The following ADAM23 variants were observed in gnomAD, a reference collection of about 807,000 sequenced individuals.
ADAM23 encodes the protein ADAM metallopeptidase domain 23.
Under a neutral mutation model 120.1 loss-of-function variants are expected in ADAM23, and 33 were observed. That is an observed-to-expected ratio of 0.27 (90% confidence interval 0.21 to 0.37). The LOEUF (loss-of-function observed/expected upper bound fraction) is 0.37. ADAM23 is among the 10% of genes least tolerant of loss of function. ADAM23 has a pLI of 1.00. For synonymous variants in ADAM23, 367 were observed against 375.2 expected, an observed-to-expected ratio of 0.98 and a Z score of 0.25; for missense variants, 862 against 1,058.2, an observed-to-expected ratio of 0.81 and a Z score of 2.57.
chr2:206,547,307 C>A, intron 6 of ADAM23, 122 bp from the exon 7 acceptor site: 1 of 682,770 alleles, frequency 1.5e-6, no homozygotes, highest in South Asian at 2.8e-5. Flanking sequence ...CTTTTGATAG[C>A]TAAAAAACTG....
chr2:206,535,959 C>G (rs1418781711), intron 4 of ADAM23, among the ~76,000 whole-genome samples: 2 of 152,156 alleles, frequency 1.3e-5, no homozygotes, highest in African/African-American at 4.8e-5. Flanking sequence ...AAAAGGTAAA[C>G]TTTATGATTT....
chr2:206,512,696 A>T (rs1006590651), intron 3 of ADAM23, among the ~76,000 whole-genome samples: 1 of 152,182 alleles, frequency 6.6e-6, no homozygotes, highest in Non-Finnish European at 1.5e-5. Context: ...GCCTTGAACT[A>T]TATAAAATGA....
chr2:206,522,684 A>G (rs371745426), intron 3 of ADAM23, among the ~76,000 whole-genome samples: 3 of 152,316 alleles, frequency 2.0e-5, no homozygotes, highest in African/African-American at 7.2e-5. Flanking sequence ...TGGATTAGCA[A>G]TAGTCACCAA....
intron 3 of ADAM23, among the ~76,000 whole-genome samples, chr2:206,488,794 C>T (rs1696067149): frequency 6.6e-6 from 1 of 152,126 alleles, no homozygotes; most frequent in Non-Finnish European, 1.5e-5. Flanking sequence ...ATAGCAGGTG[C>T]TTTAGACTTT....
chr2:206,564,547 C>T (rs72956614), intron 13 of ADAM23, among the ~76,000 whole-genome samples: 22,543 of 152,070 alleles, frequency 0.15, 1,797 homozygotes, highest in Admixed American at 0.21. Context: ...ATAGGTACAC[C>T]GTCTAGTGTG....
At chr2:206,523,526 C>T (rs1177499601) in intron 3 of ADAM23, among the ~76,000 whole-genome samples, 1 of 152,126 alleles carries the variant, frequency 6.6e-6, no homozygotes, top group Admixed American at 6.6e-5. Context: ...GATCTTTTAA[C>T]GTAGCTTAAA....
At chr2:206,499,394 CA>C (rs1368834666) in intron 3 of ADAM23, among the ~76,000 whole-genome samples, 1 of 147,108 alleles carries the variant, frequency 6.8e-6, no homozygotes, top group East Asian at 2.0e-4. Context: ...ATCGCAAGGA[CA>C]AAAAACCAAA....
intron 2 of ADAM23, among the ~76,000 whole-genome samples, chr2:206,459,191 C>A (rs1695362144): frequency 6.6e-6 from 1 of 152,174 alleles, no homozygotes; most frequent in African/African-American, 2.4e-5. Flanking sequence ...GCATTTATCA[C>A]CGTTGGGCTG....
chr2:206,531,035 G>A, intron 4 of ADAM23, 87 bp downstream of exon 4: 1 of 1,020,522 alleles, frequency 9.8e-7, no homozygotes, highest in East Asian at 2.7e-5. Context: ...TTTGACGTCT[G>A]TCTCAGTAAA....
chr2:206,589,416 A>G lies in ADAM23; in HGVS notation c.1860A>G (p.Ala620=), dbSNP rs1698385079. ...QCQYIWGTKA[A]GSDKFCYEKL... ...CTTGCCTATCTCCAAAAGAGGCTGC[A>G]GGGTCTGACAAGTTCTGCTATGAAA... is the stretch of plus-strand genomic sequence containing the variant. The change falls in exon 21 of 26, where the codon GCA becomes GCG. Residue 620 remains alanine, a synonymous_variant. Transcript: ENST00000264377. The G allele has an allele frequency of 2.5e-6, 4 of 1,613,124 alleles. No homozygotes were observed. In the East Asian group the frequency reaches 6.7e-5, roughly 27 times the overall value.
At chr2:206,519,028 T>C (rs918239972) in intron 3 of ADAM23, among the ~76,000 whole-genome samples, 1 of 152,194 alleles carries the variant, frequency 6.6e-6, no homozygotes, top group Non-Finnish European at 1.5e-5. Flanking sequence ...TCTTTTAGAC[T>C]TAGAAGTTTT....
At chr2:206,599,805 C>T (rs1274768169) in intron 24 of ADAM23, among the ~76,000 whole-genome samples, 1 of 152,172 alleles carries the variant, frequency 6.6e-6, no homozygotes, top group Non-Finnish European at 1.5e-5. Flanking sequence ...GTTTTGTTGC[C>T]TTGCCGACGA....
intron 18 of ADAM23, among the ~76,000 whole-genome samples, chr2:206,586,593 C>T (rs1698326459): frequency 6.6e-6 from 1 of 152,166 alleles, no homozygotes; most frequent in African/African-American, 2.4e-5. Context: ...ATTTATTTGC[C>T]ATGCCTGCAT....
intron 8 of ADAM23, among the ~76,000 whole-genome samples, 162 bp from the exon 9 acceptor site, chr2:206,549,933 C>G (rs1367023858): frequency 6.6e-6 from 1 of 152,016 alleles, no homozygotes; most frequent in African/African-American, 2.4e-5. Context: ...ATTTTATGAT[C>G]ACTTTTTAAA....
At chr2:206,565,151 T>C in intron 14 of ADAM23, 83 bp downstream of exon 14, 1 of 1,294,506 alleles carries the variant, frequency 7.7e-7, no homozygotes, top group Admixed American at 1.7e-5. Context: ...CTCTCGGGTA[T>C]TGGTCTTTTA....
At chr2:206,471,059 A>G (rs1012140945) in intron 2 of ADAM23, among the ~76,000 whole-genome samples, 1 of 152,240 alleles carries the variant, frequency 6.6e-6, no homozygotes, top group Non-Finnish European at 1.5e-5. Flanking sequence ...GGGTAGAAAC[A>G]GTATGAAACC....
chr2:206,496,619 A>G (rs1257925406), intron 3 of ADAM23, among the ~76,000 whole-genome samples: 6 of 152,218 alleles, frequency 3.9e-5, no homozygotes, highest in Admixed American at 2.6e-4. Context: ...TACACACTCA[A>G]AAGCTAGCAG....
intron 3 of ADAM23, among the ~76,000 whole-genome samples, chr2:206,491,937 T>C (rs1290250513): frequency 6.6e-6 from 1 of 152,210 alleles, no homozygotes; most frequent in Non-Finnish European, 1.5e-5. Context: ...TAACCTGAGT[T>C]GATGGATAGA....
At chr2:206,465,808 A>C (rs777218760) in intron 2 of ADAM23, among the ~76,000 whole-genome samples, 1 of 152,204 alleles carries the variant, frequency 6.6e-6, no homozygotes, top group African/African-American at 2.4e-5. Flanking sequence ...CTTAAGTAGC[A>C]GCTCGGAGAA....
Sources: gnomAD v4.1 joint callset for allele counts (sites outside exome capture counted in the v4.1 genomes callset) on GRCh38, gnomAD v4.1.1 for gene constraint, MANE v1.5 for transcripts, NCBI Gene and HGNC (gene_info 2026-07-23, HGNC 2026-07-21) for gene names.